The following PARD3 variants were observed in gnomAD, a reference collection of about 807,000 sequenced individuals.
PARD3 encodes partitioning defective 3 homolog.
In PARD3, 75 loss-of-function variants were observed where a neutral mutation model predicts 155.4. The ratio of observed to expected loss-of-function variants is 0.48; its 90% CI spans 0.40 to 0.58. The LOEUF is 0.58. Among genes scored for constraint, PARD3 ranks in the 20% least tolerant of loss-of-function variants. The probability of loss-of-function intolerance (pLI) is 0.00; values close to 1 mark genes in which losing one functional copy is unlikely to be tolerated. For synonymous variants in PARD3, 576 were observed against 610.5 expected (o/e 0.94, Z 0.83); for missense variants, 1,642 against 1,721.7 (o/e 0.95, Z 0.82).
intron 2 of PARD3, among the ~76,000 whole-genome samples, chr10:34,540,147 T>TGA (rs1434172292): frequency 6.6e-6 from 1 of 152,094 alleles, no homozygotes; most frequent in African/African-American, 2.4e-5. Flanking sequence ...GCCTGCCTCC[T>TGA]GCTTCCCAGG....
chr10:34,482,033 T>TTC (rs371434532), intron 3 of PARD3, among the ~76,000 whole-genome samples: 4 of 33,368 alleles, frequency 1.2e-4, no homozygotes, highest in Admixed American at 2.7e-4. Flanking sequence ...AATTTTTATC[T>TTC]TTTTTTTTTT....
At chr10:34,521,063 C>T (rs1214420647) in intron 2 of PARD3, among the ~76,000 whole-genome samples, 1 of 152,068 alleles carries the variant, frequency 6.6e-6, no homozygotes, top group African/African-American at 2.4e-5. Context: ...TCTCAAGAAT[C>T]GAGTCCTTTC....
At chr10:34,168,789 C>T (rs1445553986) in intron 22 of PARD3, among the ~76,000 whole-genome samples, 4 of 152,200 alleles carry the variant, frequency 2.6e-5, no homozygotes, top group African/African-American at 4.8e-5. Context: ...ATTCCCACTT[C>T]TGTATTTTCT....
chr10:34,663,836 A>G (rs2496729), intron 2 of PARD3: 66,790 of 151,926 alleles, frequency 0.44, 16,167 homozygotes, highest in African/African-American at 0.66. Context: ...CATGTATTCC[A>G]TGACCAATCA....
chr10:34,352,863 C>T (rs1220296102), intron 14 of PARD3, among the ~76,000 whole-genome samples: 1 of 151,640 alleles, frequency 6.6e-6, no homozygotes, highest in Non-Finnish European at 1.5e-5. Context: ...AAGTGAGGAG[C>T]GCCTCTTCCC....
chr10:34,376,534 C>G (rs1841261834), intron 10 of PARD3, among the ~76,000 whole-genome samples: 1 of 152,082 alleles, frequency 6.6e-6, no homozygotes, highest in Admixed American at 6.5e-5. Flanking sequence ...AATTTATAAC[C>G]CCAGGACAAG....
At chr10:34,242,846 A>G (rs953329384) in intron 22 of PARD3, among the ~76,000 whole-genome samples, 1 of 152,078 alleles carries the variant, frequency 6.6e-6, no homozygotes, top group Non-Finnish European at 1.5e-5. Flanking sequence ...GAGGAAGGAG[A>G]ATCACTTGAA....
intron 22 of PARD3, among the ~76,000 whole-genome samples, chr10:34,210,225 A>G (rs1240631393): frequency 1.4e-5 from 2 of 140,732 alleles, no homozygotes; most frequent in African/African-American, 6.5e-5. Flanking sequence ...TGTATTGTAC[A>G]TGTATGTATG....
chr10:34,494,401 T>A (rs546234158), intron 3 of PARD3, among the ~76,000 whole-genome samples: 1 of 152,334 alleles, frequency 6.6e-6, no homozygotes, highest in African/African-American at 2.4e-5. Flanking sequence ...GAACAAAACA[T>A]ACCAGTATTC....
chr10:34,779,379 G>T (rs1475032998), intron 1 of PARD3, among the ~76,000 whole-genome samples: 2 of 151,952 alleles, frequency 1.3e-5, no homozygotes, highest in Non-Finnish European at 2.9e-5. Context: ...GGAGGCCGAG[G>T]CCCAGCAGAT....
At chr10:34,202,308 A>T (rs999473185) in intron 22 of PARD3, among the ~76,000 whole-genome samples, 1 of 152,224 alleles carries the variant, frequency 6.6e-6, no homozygotes, top group Non-Finnish European at 1.5e-5. Context: ...CTTGGCTTCA[A>T]GCAATCCTCC....
chr10:34,538,417 G>A (rs1462119876), intron 2 of PARD3, among the ~76,000 whole-genome samples: 1 of 152,206 alleles, frequency 6.6e-6, no homozygotes, highest in Non-Finnish European at 1.5e-5. Flanking sequence ...GCTACAATAG[G>A]TGTAGAAAGA....
At chr10:34,663,767 T>C (rs1191136712) in intron 2 of PARD3, 3 of 151,832 alleles carry the variant, frequency 2.0e-5, no homozygotes, top group African/African-American at 7.3e-5. Context: ...AAACTTTTCA[T>C]TTCCCCCTCA....
chr10:34,175,208 T>A (rs1334710981), intron 22 of PARD3, among the ~76,000 whole-genome samples: 1 of 152,176 alleles, frequency 6.6e-6, no homozygotes, highest in Admixed American at 6.6e-5. Flanking sequence ...CACATTAACT[T>A]CATGGAGAGC....
At chr10:34,408,296 TAAATA>T (rs1285210178) in intron 5 of PARD3, among the ~76,000 whole-genome samples, 2 of 152,084 alleles carry the variant, frequency 1.3e-5, no homozygotes, top group Non-Finnish European at 2.9e-5. Context: ...TTCATAACAG[TAAATA>T]AAATATTTTA....
At chr10:34,218,548 A>T (rs1952120531) in intron 22 of PARD3, among the ~76,000 whole-genome samples, 1 of 152,220 alleles carries the variant, frequency 6.6e-6, no homozygotes, top group Non-Finnish European at 1.5e-5. Context: ...CTACTTAGCA[A>T]ATCACTGGTA....
intron 1 of PARD3, among the ~76,000 whole-genome samples, chr10:34,754,927 C>T (rs1836515069): frequency 6.6e-6 from 1 of 152,174 alleles, no homozygotes; most frequent in South Asian, 2.1e-4. Context: ...TAAGCAGGGA[C>T]CTACATCCTT....
chr10:34,321,931 C>T (rs1589169396), intron 19 of PARD3, among the ~76,000 whole-genome samples: 1 of 152,234 alleles, frequency 6.6e-6, no homozygotes, highest in East Asian at 1.9e-4. Flanking sequence ...TCAAGGTTGA[C>T]TCAAAGCCTC....
intron 1 of PARD3, among the ~76,000 whole-genome samples, chr10:34,729,318 G>A (rs1428994724): frequency 1.3e-5 from 2 of 152,016 alleles, no homozygotes; most frequent in African/African-American, 4.8e-5. Flanking sequence ...ATCACTTGAG[G>A]TCAGGAGTTC....
Sources: allele counts gnomAD v4.1 joint callset (sites outside exome capture counted in the v4.1 genomes callset), GRCh38; gene constraint gnomAD v4.1.1; transcripts MANE v1.5; gene names NCBI Gene and HGNC (gene_info 2026-07-23, HGNC 2026-07-21).